The following KCNIP4 variants were observed in gnomAD, a reference collection of about 807,000 sequenced individuals.
KCNIP4 encodes potassium voltage-gated channel interacting protein 4, also known as Kv channel-interacting protein 4.
Under a neutral mutation model 34.0 loss-of-function variants are expected in KCNIP4, and 12 were observed. The observed-to-expected ratio is 0.35, with a 90% confidence interval of 0.23 to 0.57. KCNIP4 has a LOEUF of 0.57. KCNIP4 is among the 20% of genes least tolerant of loss of function. KCNIP4 has a pLI of 0.83. For synonymous variants in KCNIP4, 124 were observed against 102.2 expected (o/e 1.21, Z -1.29); for missense variants, 238 against 311.7 (o/e 0.76, Z 1.78).
At chr4:21,716,321 C>G (rs1714374514) in intron 1 of KCNIP4, among the ~76,000 whole-genome samples, 1 of 152,128 alleles carries the variant, frequency 6.6e-6, no homozygotes, top group Non-Finnish European at 1.5e-5. Context: ...ACTGCACCCT[C>G]TGCCTCCCGG....
intron 1 of KCNIP4, among the ~76,000 whole-genome samples, chr4:21,798,884 T>C (rs1720814153): frequency 6.6e-6 from 1 of 152,188 alleles, no homozygotes; most frequent in Non-Finnish European, 1.5e-5. Flanking sequence ...ATTTGGCTTA[T>C]ATATTTGGTG....
chr4:20,984,085 G>A (rs1221984843), intron 1 of KCNIP4: 1 of 1,158,128 alleles, frequency 8.6e-7, no homozygotes, highest in Non-Finnish European at 1.2e-6. Context: ...GCCCCCCGGG[G>A]TGAGGACAGA....
intron 1 of KCNIP4, among the ~76,000 whole-genome samples, chr4:21,875,517 A>C (rs766702946): frequency 7.9e-5 from 12 of 152,180 alleles, no homozygotes; most frequent in Non-Finnish European, 1.5e-4. Flanking sequence ...GAGTTGTATT[A>C]GGCATTTCTA....
intron 1 of KCNIP4, among the ~76,000 whole-genome samples, chr4:21,665,513 C>A (rs955532725): frequency 3.5e-5 from 1 of 28,794 alleles, no homozygotes; most frequent in Non-Finnish European, 6.0e-5. Flanking sequence ...CACAGGGCAC[C>A]CCCCCCCCCT....
intron 1 of KCNIP4, among the ~76,000 whole-genome samples, chr4:21,634,011 A>C (rs1560579220): frequency 6.6e-6 from 1 of 151,994 alleles, no homozygotes; most frequent in East Asian, 1.9e-4. Flanking sequence ...CTGTACATTT[A>C]TTAGCAAAAG....
chr4:21,673,061 C>T (rs1408789387), intron 1 of KCNIP4, among the ~76,000 whole-genome samples: 2 of 152,136 alleles, frequency 1.3e-5, no homozygotes, highest in Non-Finnish European at 2.9e-5. Context: ...TTAACCCCAA[C>T]CTTAGAAATG....
chr4:20,758,697 C>A, intron 4 of KCNIP4, 124 bp downstream of exon 4: 1 of 731,294 alleles, frequency 1.4e-6, no homozygotes, highest in Non-Finnish European at 2.4e-6. Context: ...CACTTGCATG[C>A]TGTGCATTAA....
chr4:21,375,446 T>G (rs991165566), intron 1 of KCNIP4, among the ~76,000 whole-genome samples: 15 of 152,166 alleles, frequency 9.9e-5, no homozygotes, highest in African/African-American at 3.6e-4. Context: ...GTACTTACAC[T>G]ATAGTGGTAA....
At chr4:20,872,389 C>G (rs911143468) in intron 2 of KCNIP4, among the ~76,000 whole-genome samples, 4 of 152,062 alleles carry the variant, frequency 2.6e-5, no homozygotes, top group Non-Finnish European at 4.4e-5. Flanking sequence ...GAATTGCTGC[C>G]TGTCACACTT....
At chr4:20,947,488 C>G (rs1224614892) in intron 1 of KCNIP4, among the ~76,000 whole-genome samples, 1 of 152,134 alleles carries the variant, frequency 6.6e-6, no homozygotes, top group Admixed American at 6.5e-5. Flanking sequence ...AGTTGTTAAG[C>G]CCTCACCAAT....
Position 21,372,062 on chromosome 4 carries a change from G to T in KCNIP4, c.62-489353C>A, listed in dbSNP as rs1036702438. On this transcript the variant is annotated intron_variant, in intron 1 of 8. Coordinates refer to ENST00000382152, the MANE Select transcript of KCNIP4 (RefSeq NM_025221.6). ...GCTAGAAACAAAATTTGGTGCTTCA[G>T]AAGAATGTTTGATTAATGATCATTT... 2.7e-5 allele frequency among the ~76,000 whole-genome samples: 4 copies of T among 147,306 alleles called. No homozygotes were observed. The South Asian group carries it at 8.4e-4, about 31-fold the overall frequency.
At chr4:20,859,949 C>T (rs1722015199) in intron 2 of KCNIP4, among the ~76,000 whole-genome samples, 1 of 152,098 alleles carries the variant, frequency 6.6e-6, no homozygotes, top group Non-Finnish European at 1.5e-5. Flanking sequence ...GAGTCCTTGC[C>T]TATAAAGCAT....
intron 1 of KCNIP4, among the ~76,000 whole-genome samples, chr4:21,471,117 C>G (rs988779952): frequency 6.6e-6 from 1 of 152,066 alleles, no homozygotes; most frequent in Non-Finnish European, 1.5e-5. Context: ...GTGGTGCATG[C>G]TTAAATTTGA....
At chr4:20,930,800 TATGAGATATCACCCTTCACCCATTAGG>T (rs1730376209) in intron 1 of KCNIP4, among the ~76,000 whole-genome samples, 1 of 149,300 alleles carries the variant, frequency 6.7e-6, no homozygotes, top group Non-Finnish European at 1.5e-5. Flanking sequence ...TGAAAACCAC[TATGAGATATCACCCTTCACCCATTAGG>T]ATGGCTATTA....
chr4:20,873,930 T>A (rs941738195), intron 2 of KCNIP4, among the ~76,000 whole-genome samples: 1 of 152,176 alleles, frequency 6.6e-6, no homozygotes, highest in Non-Finnish European at 1.5e-5. Flanking sequence ...TCCCCTCTGA[T>A]GAAATGATGA....
intron 1 of KCNIP4, among the ~76,000 whole-genome samples, chr4:21,019,063 G>A (rs989726140): frequency 8.5e-5 from 13 of 152,070 alleles, no homozygotes; most frequent in African/African-American, 3.1e-4. Context: ...TATTCTGAGG[G>A]CTTCCTCCTT....
intron 1 of KCNIP4, among the ~76,000 whole-genome samples, chr4:21,578,332 C>CAAAAAAAAAAAAAAA (rs71191522): frequency 1.3e-5 from 1 of 75,128 alleles, no homozygotes; most frequent in African/African-American, 5.3e-5. Flanking sequence ...GACTCCGTCT[C>CAAAAAAAAAAAAAAA]AAAAAAAAAA....
rs200566418 is a variant in KCNIP4, at chr4:21,930,389, A to G, written c.61+18182T>C. On this transcript the variant is annotated intron_variant, in intron 1 of 8. Transcript: ENST00000382152. ...TTTCTAACTAGTTCCCATGACTTCT[A>G]TGGAACTGCCTCATAATTTCCTGCT... Among the ~76,000 whole-genome samples, 22 of 152,222 alleles carry G rather than the reference A, an allele frequency of 1.4e-4. No individual in the cohort carries two copies. In the East Asian group the frequency reaches 2.7e-3, roughly 19 times the overall value.
At chr4:21,060,371 C>A (rs1182371057) in intron 1 of KCNIP4, among the ~76,000 whole-genome samples, 1 of 152,076 alleles carries the variant, frequency 6.6e-6, no homozygotes, top group African/African-American at 2.4e-5. Flanking sequence ...TTTTTCCCTA[C>A]ACAAAATTAG....
Sources: allele counts gnomAD v4.1 joint callset (sites outside exome capture counted in the v4.1 genomes callset), GRCh38; gene constraint gnomAD v4.1.1; transcripts MANE v1.5; gene names NCBI Gene and HGNC (gene_info 2026-07-23, HGNC 2026-07-21).